TMTC2: variants seen among roughly 807,000 people sequenced by gnomAD.
The protein encoded by TMTC2 is protein O-mannosyl-transferase TMTC2.
Under a neutral mutation model 82.4 loss-of-function variants are expected in TMTC2, and 43 were observed. The observed-to-expected ratio is 0.52, with a 90% CI of 0.41 to 0.67. The LOEUF is 0.67. Among genes scored for constraint, TMTC2 ranks in the 30% least tolerant of loss-of-function variants. TMTC2 has a pLI of 0.00. For missense variants in TMTC2, 919 were observed against 1,012.4 expected (o/e 0.91, Z 1.25); for synonymous variants, 408 against 381.9 (o/e 1.07, Z -0.80).
intron 1 of TMTC2, among the ~76,000 whole-genome samples, chr12:82,780,914 G>A (rs1870227980): frequency 2.0e-5 from 3 of 151,854 alleles, no homozygotes; most frequent in Non-Finnish European, 2.9e-5. Flanking sequence ...TATGTCTCAT[G>A]TTTTTGTTAC....
intron 11 of TMTC2, among the ~76,000 whole-genome samples, chr12:83,110,965 G>A (rs956463933): frequency 1.3e-5 from 2 of 152,140 alleles, no homozygotes; most frequent in African/African-American, 2.4e-5. Flanking sequence ...CTACTAAACT[G>A]AATTCCTGAT....
chr12:82,955,079 A>T (rs998172650), intron 4 of TMTC2, among the ~76,000 whole-genome samples: 5 of 152,130 alleles, frequency 3.3e-5, no homozygotes. Flanking sequence ...TGAAATTCTA[A>T]TCAGGGTTTT....
intron 1 of TMTC2, among the ~76,000 whole-genome samples, chr12:82,724,160 C>G (rs1467553859): frequency 6.6e-6 from 1 of 152,140 alleles, no homozygotes; most frequent in East Asian, 1.9e-4. Flanking sequence ...GCAAGGCAAA[C>G]TAGAAATTCA....
chr12:82,950,269 AAAT>A (rs1877275829), intron 4 of TMTC2, among the ~76,000 whole-genome samples: 2 of 152,314 alleles, frequency 1.3e-5, no homozygotes, highest in East Asian at 3.9e-4. Context: ...GGGTGGAAAG[AAAT>A]AATATGAAAA....
chr12:82,729,839 C>G (rs1236162376), intron 1 of TMTC2, among the ~76,000 whole-genome samples: 1 of 152,166 alleles, frequency 6.6e-6, no homozygotes, highest in African/African-American at 2.4e-5. Context: ...TCCACACTGC[C>G]TTTATGAGCT....
chr12:82,864,658 T>G (rs12825528), intron 2 of TMTC2, among the ~76,000 whole-genome samples: 7 of 151,196 alleles, frequency 4.6e-5, no homozygotes, highest in South Asian at 2.1e-4. Context: ...CACACCACCA[T>G]GCCCAGCTAA....
intron 11 of TMTC2, among the ~76,000 whole-genome samples, chr12:83,109,732 A>G (rs548902930): frequency 1.5e-4 from 23 of 152,258 alleles, no homozygotes; most frequent in African/African-American, 3.4e-4. Flanking sequence ...TCTCTTACCT[A>G]TATAACCTCT....
At chr12:82,823,392 G>A (rs1479179842) in intron 1 of TMTC2, among the ~76,000 whole-genome samples, 2 of 152,088 alleles carry the variant, frequency 1.3e-5, no homozygotes, top group Non-Finnish European at 2.9e-5. Context: ...TTAGCTGTAT[G>A]TTTAAAAAAT....
At chr12:82,694,852 A>T (rs1232583287) in intron 1 of TMTC2, among the ~76,000 whole-genome samples, 1 of 152,156 alleles carries the variant, frequency 6.6e-6, no homozygotes, top group Non-Finnish European at 1.5e-5. Context: ...CGGTATAAAA[A>T]ATTGCCTTGC....
chr12:83,030,981 A>T, intron 9 of TMTC2, 102 bp downstream of exon 9: 1 of 836,234 alleles, frequency 1.2e-6, no homozygotes, highest in South Asian at 1.6e-5. Flanking sequence ...GAGGAGATGG[A>T]CTTTGTTATT....
chr12:83,001,752 G>GTA (rs201061742), intron 8 of TMTC2, among the ~76,000 whole-genome samples: 2 of 58,008 alleles, frequency 3.4e-5, no homozygotes, highest in Non-Finnish European at 1.0e-4. Context: ...AATACCATCA[G>GTA]TCTCTGCTGA....
At chr12:82,836,695 A>T (rs1870060604) in intron 1 of TMTC2, among the ~76,000 whole-genome samples, 1 of 152,224 alleles carries the variant, frequency 6.6e-6, no homozygotes, top group South Asian at 2.1e-4. Flanking sequence ...AGTGGATGGT[A>T]ATTCATTACA....
chr12:83,024,441 T>C (rs1881074125), intron 8 of TMTC2, among the ~76,000 whole-genome samples: 1 of 152,204 alleles, frequency 6.6e-6, no homozygotes, highest in Non-Finnish European at 1.5e-5. Flanking sequence ...GGTATAGAGA[T>C]AACATTTGAA....
At chr12:82,823,398 AAAAT>A (rs1424291186) in intron 1 of TMTC2, among the ~76,000 whole-genome samples, 2 of 152,192 alleles carry the variant, frequency 1.3e-5, no homozygotes, top group African/African-American at 4.8e-5. Flanking sequence ...GTATGTTTAA[AAAAT>A]ATATTTAATT....
At chr12:82,972,684 A>G (rs766597755) in intron 7 of TMTC2, among the ~76,000 whole-genome samples, 115 of 152,182 alleles carry the variant, frequency 7.6e-4, no homozygotes, top group Non-Finnish European at 1.2e-3. Flanking sequence ...TTTTTAAACT[A>G]TTATTTAGGT....
intron 1 of TMTC2, among the ~76,000 whole-genome samples, chr12:82,819,497 CTTTTTTTTT>C (rs766912583): frequency 1.0e-4 from 12 of 118,246 alleles, no homozygotes; most frequent in Non-Finnish European, 1.0e-4. Flanking sequence ...TTCTCTCTTT[CTTTTTTTTT>C]TTTTTTTTTT....
intron 11 of TMTC2, among the ~76,000 whole-genome samples, chr12:83,098,050 G>T (rs377636374): frequency 6.6e-6 from 1 of 152,184 alleles, no homozygotes; most frequent in Non-Finnish European, 1.5e-5. Flanking sequence ...AGATGTCGAG[G>T]GCTACTCTAT....
At chr12:83,053,011 T>A (rs1882410511) in intron 10 of TMTC2, among the ~76,000 whole-genome samples, 1 of 152,120 alleles carries the variant, frequency 6.6e-6, no homozygotes, top group Non-Finnish European at 1.5e-5. Context: ...GTTTTTCACC[T>A]CTGTCAAATT....
At chr12:83,009,627 A>C (rs1345854605) in intron 8 of TMTC2, among the ~76,000 whole-genome samples, 1 of 151,898 alleles carries the variant, frequency 6.6e-6, no homozygotes, top group Admixed American at 6.6e-5. Context: ...ATGACAATTT[A>C]GATTTCCTTT....
Sources: allele counts gnomAD v4.1 joint callset (sites outside exome capture counted in the v4.1 genomes callset), GRCh38; gene constraint gnomAD v4.1.1; transcripts MANE v1.5; gene names NCBI Gene and HGNC (gene_info 2026-07-23, HGNC 2026-07-21).